Variants in WWOX observed in about 807,000 individuals in gnomAD.
WWOX encodes the protein WW domain containing oxidoreductase, also known as WW domain-containing oxidoreductase.
WWOX carries 69 observed loss-of-function variants against 46.2 expected under a neutral mutation model. That is an observed-to-expected ratio of 1.49 (90% confidence interval 1.23 to 1.82). WWOX has a LOEUF of 1.82. Ranked by LOEUF, WWOX falls within the 40% of genes most tolerant of loss-of-function variation. The pLI, the probability that WWOX is intolerant of heterozygous loss-of-function variation, is 0.00. For synonymous variants in WWOX, 359 were observed against 202.6 expected (o/e 1.77, Z -6.56); for missense variants, 919 against 542.6 (o/e 1.69, Z -6.89).
intron 8 of WWOX, among the ~76,000 whole-genome samples, chr16:78,796,894 C>T (rs552844995): frequency 4.7e-5 from 7 of 150,216 alleles, no homozygotes; most frequent in African/African-American, 7.4e-5. Flanking sequence ...GGTGCGATCT[C>T]GGCTCACTGC....
chr16:78,981,013 C>G (rs748418364), intron 8 of WWOX, among the ~76,000 whole-genome samples: 4 of 152,150 alleles, frequency 2.6e-5, no homozygotes, highest in African/African-American at 7.2e-5. Context: ...CTAAGAAGCG[C>G]TGTGTTGCGT....
chr16:78,216,234 C>G lies in WWOX; in HGVS notation c.516+51945C>G, dbSNP rs116675431. ...GGGGGAGTAATAATGATAATAGATA[C>G]AATTTTTTGGTCTTTATAATCCCCA... On this transcript the variant is annotated intron_variant, in intron 5 of 8. Transcript: ENST00000566780. 2.8e-3 allele frequency among the ~76,000 whole-genome samples: 419 copies of G among 152,080 alleles called. 4 individuals are homozygous for G. The highest frequency in any genetic ancestry group is 9.4e-3 in the African/African-American group (388 of 41,464).
At chr16:78,650,960 G>A (rs990653322) in intron 8 of WWOX, among the ~76,000 whole-genome samples, 7 of 152,240 alleles carry the variant, frequency 4.6e-5, no homozygotes, top group Non-Finnish European at 8.8e-5. Flanking sequence ...TTATCGTAAT[G>A]TGATTCTCCT....
chr16:78,502,261 G>T (rs1211260420), intron 8 of WWOX, among the ~76,000 whole-genome samples: 1 of 152,090 alleles, frequency 6.6e-6, no homozygotes, highest in East Asian at 1.9e-4. Context: ...TGTATTCAGA[G>T]TTTGCATCCA....
intron 6 of WWOX, among the ~76,000 whole-genome samples, chr16:78,419,479 C>G (rs773412789): frequency 1.3e-5 from 2 of 151,806 alleles, no homozygotes; most frequent in Non-Finnish European, 2.9e-5. Flanking sequence ...AGAAATGAAT[C>G]CATGCATATT....
At chr16:78,616,771 C>G (rs755528004) in intron 8 of WWOX, among the ~76,000 whole-genome samples, 19 of 151,770 alleles carry the variant, frequency 1.3e-4, no homozygotes, top group Non-Finnish European at 1.8e-4. Flanking sequence ...TCCATCAACA[C>G]TAATAATAAT....
intron 5 of WWOX, among the ~76,000 whole-genome samples, chr16:78,252,995 TATC>T (rs1400630322): frequency 6.6e-6 from 1 of 152,222 alleles, no homozygotes; most frequent in African/African-American, 2.4e-5. Flanking sequence ...GTGGCAGTAA[TATC>T]ATCTATTTAC....
chr16:78,986,116 T>C (rs572980204), intron 8 of WWOX, among the ~76,000 whole-genome samples: 8 of 152,338 alleles, frequency 5.3e-5, no homozygotes, highest in Admixed American at 2.6e-4. Context: ...GGGAGACATT[T>C]ATGGAGTCAG....
intron 8 of WWOX, among the ~76,000 whole-genome samples, chr16:78,605,562 T>TA (rs1158015824): frequency 9.9e-5 from 15 of 151,908 alleles, no homozygotes; most frequent in Admixed American, 7.2e-4. Flanking sequence ...GCCCAGAGTT[T>TA]AAAAAAAATC....
At chr16:78,938,137 G>A (rs527986400) in intron 8 of WWOX, among the ~76,000 whole-genome samples, 111 of 152,322 alleles carry the variant, frequency 7.3e-4, no homozygotes, top group African/African-American at 2.5e-3. Context: ...ATCTGGCGCT[G>A]AATGTCAGGA....
At chr16:78,265,246 T>G (rs923395538) in intron 5 of WWOX, among the ~76,000 whole-genome samples, 5 of 151,956 alleles carry the variant, frequency 3.3e-5, no homozygotes, top group African/African-American at 1.2e-4. Context: ...AGGCCCACCT[T>G]GGCCTCCCAA....
At chr16:78,951,762 A>T (rs896972118) in intron 8 of WWOX, among the ~76,000 whole-genome samples, 22 of 152,116 alleles carry the variant, frequency 1.4e-4, no homozygotes, top group Non-Finnish European at 2.8e-4. Context: ...AGAGAGCCAC[A>T]TACTTACAGT....
chr16:78,485,607 C>T (rs1001638090), intron 8 of WWOX, among the ~76,000 whole-genome samples: 13 of 152,240 alleles, frequency 8.5e-5, no homozygotes, highest in Admixed American at 1.3e-4. Flanking sequence ...TCTCACAGCA[C>T]GCATTTGTTC....
At chr16:78,180,277 G>C (rs915960415) in intron 5 of WWOX, among the ~76,000 whole-genome samples, 2 of 152,170 alleles carry the variant, frequency 1.3e-5, no homozygotes, top group African/African-American at 2.4e-5. Flanking sequence ...AATCCAGCTT[G>C]ATTTTGAGGG....
intron 8 of WWOX, among the ~76,000 whole-genome samples, chr16:78,482,238 T>G (rs2084512385): frequency 6.6e-6 from 1 of 152,138 alleles, no homozygotes; most frequent in South Asian, 2.1e-4. Context: ...CTCCATAATT[T>G]TTTTTATTAT....
intron 8 of WWOX, among the ~76,000 whole-genome samples, chr16:79,166,088 C>T (rs1293548936): frequency 1.3e-5 from 2 of 152,312 alleles, no homozygotes; most frequent in Middle Eastern, 3.4e-3. Context: ...GCTTTACCTC[C>T]CAGCGTAGTC....
At chr16:78,631,924 C>G (rs140482631) in intron 8 of WWOX, among the ~76,000 whole-genome samples, 241 of 152,008 alleles carry the variant, frequency 1.6e-3, no homozygotes, top group African/African-American at 5.6e-3. Flanking sequence ...ATTATTCTGT[C>G]TTCTATGAAA....
intron 8 of WWOX, among the ~76,000 whole-genome samples, chr16:78,919,595 A>G (rs1401785449): frequency 2.7e-5 from 4 of 147,424 alleles, no homozygotes; most frequent in African/African-American, 7.6e-5. Context: ...TCAGCTCACT[A>G]CAACCTCCGC....
intron 8 of WWOX, among the ~76,000 whole-genome samples, chr16:78,846,748 C>A (rs1336857591): frequency 5.3e-5 from 8 of 152,064 alleles, no homozygotes; most frequent in African/African-American, 1.9e-4. Flanking sequence ...GACTACTTCT[C>A]AAATTTTCAT....
Sources: allele counts gnomAD v4.1 joint callset (sites outside exome capture counted in the v4.1 genomes callset), GRCh38; gene constraint gnomAD v4.1.1; transcripts MANE v1.5; gene names NCBI Gene and HGNC (gene_info 2026-07-23, HGNC 2026-07-21).